The following IGF1R variants were observed in gnomAD, a reference collection of about 807,000 sequenced individuals.
IGF1R encodes insulin like growth factor 1 receptor, also known as insulin-like growth factor 1 receptor.
Under a neutral mutation model 144.6 loss-of-function variants are expected in IGF1R, and 44 were observed. That is an observed-to-expected ratio of 0.30 (90% CI 0.24 to 0.39). The LOEUF (loss-of-function observed/expected upper bound fraction) is 0.39, where lower values mean the gene tolerates loss of function less well. Ranked by LOEUF, IGF1R falls within the 10% of genes least tolerant of loss-of-function variation. The pLI, the probability that IGF1R is intolerant of heterozygous loss-of-function variation, is 1.00. For missense variants in IGF1R, 1,355 were observed against 1,833.7 expected, an observed-to-expected ratio of 0.74 and a Z score of 4.77; for synonymous variants, 795 against 722.8, an observed-to-expected ratio of 1.10 and a Z score of -1.60.
intron 7 of IGF1R, 58 bp downstream of exon 7, chr15:98,911,499 C>G: frequency 6.2e-7 from 1 of 1,610,718 alleles, no homozygotes; most frequent in South Asian, 1.1e-5. Context: ...TGGGAGAGGC[C>G]AGTCTTTCGA....
At chr15:98,931,244 G>T (rs2015929233) in intron 15 of IGF1R, among the ~76,000 whole-genome samples, 1 of 152,156 alleles carries the variant, frequency 6.6e-6, no homozygotes, top group Non-Finnish European at 1.5e-5. Context: ...TTCATCAAAT[G>T]AATAATAAAT....
chr15:98,801,484 G>A (rs898708662), intron 2 of IGF1R, among the ~76,000 whole-genome samples: 35 of 152,220 alleles, frequency 2.3e-4, no homozygotes, highest in African/African-American at 8.2e-4. Context: ...TGTGAGCCTC[G>A]ACAGTGGGCC....
chr15:98,735,905 A>G (rs1014581372), intron 2 of IGF1R, among the ~76,000 whole-genome samples: 2 of 152,136 alleles, frequency 1.3e-5, no homozygotes, highest in African/African-American at 4.8e-5. Context: ...CCTCCTCCCA[A>G]AGCTCTGTGC....
chr15:98,672,155 T>C (rs541942313), intron 1 of IGF1R, among the ~76,000 whole-genome samples: 9 of 152,362 alleles, frequency 5.9e-5, no homozygotes, highest in Non-Finnish European at 7.3e-5. Flanking sequence ...CATTTTTGCC[T>C]GTAAAAGAAT....
intron 2 of IGF1R, among the ~76,000 whole-genome samples, chr15:98,848,428 G>A (rs563922085): frequency 6.6e-6 from 1 of 152,334 alleles, no homozygotes; most frequent in South Asian, 2.1e-4. Context: ...AGTCAGCCCA[G>A]CCAAGATAGT....
Position 98,931,304 on chromosome 15 carries a change from C to T in IGF1R, c.2956+999C>T, listed in dbSNP as rs572919026. Among the ~76,000 whole-genome samples, 49 of 152,250 alleles carry T rather than the reference C, an allele frequency of 3.2e-4. 1 individual carries two copies. Among genetic ancestry groups the T allele is most frequent in the Admixed American group, 2.2e-3 (34 of 15,300 alleles). ...ATTTAGAAAAAGTGTTTGCTGTCTT[C>T]TTGCCTCGGGAGAAGTGAAAGTAGA... On this transcript the variant is annotated intron_variant, in intron 15 of 20. Transcript: ENST00000650285.
intron 2 of IGF1R, among the ~76,000 whole-genome samples, chr15:98,752,432 C>T (rs1057442359): frequency 1.3e-5 from 2 of 152,088 alleles, no homozygotes; most frequent in African/African-American, 4.8e-5. Context: ...GCCTGTAATC[C>T]CAGCACTTTG....
intron 2 of IGF1R, among the ~76,000 whole-genome samples, chr15:98,850,541 C>T (rs1319500922): frequency 6.6e-6 from 1 of 152,240 alleles, no homozygotes; most frequent in African/African-American, 2.4e-5. Flanking sequence ...GCAACGAGGC[C>T]TCTCTGAGGT....
chr15:98,880,361 C>A (rs918614419), intron 2 of IGF1R, among the ~76,000 whole-genome samples: 1 of 152,086 alleles, frequency 6.6e-6, no homozygotes, highest in Non-Finnish European at 1.5e-5. Context: ...TCTTGCTTGC[C>A]CTTTTTGTGG....
rs1167503156 is a variant in IGF1R at position 98,788,052 on chromosome 15, C to CTGTG, written c.640+79946_640+79947insGTGT. 2.5e-3 allele frequency among the ~76,000 whole-genome samples: 346 copies of CTGTG among 139,606 alleles called. 2 individuals are homozygous for CTGTG. The highest frequency in any genetic ancestry group is 8.7e-3 in the African/African-American group (306 of 35,266). The allele number at this position is 139,606 out of a possible 152,430, so 91.6% of individuals were successfully genotyped here. A position where few individuals can be genotyped will look rare whatever the true frequency, so the allele number is the denominator to read the frequency against. On this transcript the variant is annotated intron_variant, in intron 2 of 20. Coordinates refer to ENST00000650285, the MANE Select transcript of IGF1R (RefSeq NM_000875.5). ...GGTAGGGATCTCTCTCTCTCTCTCTCTCTCTCTCTCTGTGTGTGTGTGTGT... is the reference window on the plus strand; with the variant it reads ...GGTAGGGATCTCTCTCTCTCTCTCTCTGTGTCTCTCTCTCTGTGTGTGTGTGTGT...
chr15:98,845,621 G>A (rs2011299763), intron 2 of IGF1R, among the ~76,000 whole-genome samples: 1 of 144,822 alleles, frequency 6.9e-6, no homozygotes, highest in Non-Finnish European at 1.5e-5. Context: ...GCTGTCAGTT[G>A]AGATGGGCCT....
In IGF1R at chr15:98,961,079, A is replaced by G. The variant is rs1333356515; in HGVS notation, c.*3637A>G. On this transcript the variant is annotated 3_prime_UTR_variant, in exon 21 of 21. Coordinates refer to ENST00000650285, the MANE Select transcript of IGF1R (RefSeq NM_000875.5). ...TCCTCGGCAATTCCAGCCTAAGTGA[A>G]GGCGCTCAGGAGCCTCCTGCTGGAA... 4 of 233,454 alleles carry G rather than the reference A, an allele frequency of 1.7e-5. No individual in the cohort carries two copies. The highest frequency in any genetic ancestry group is 3.4e-5 in the Non-Finnish European group (4 of 117,970). The allele number at this position is 233,454 out of a possible 1,614,324, so 14.5% of individuals were successfully genotyped here. A position where few individuals can be genotyped will look rare whatever the true frequency, so the allele number is the denominator to read the frequency against.
chr15:98,851,814 T>A (rs1338631125), intron 2 of IGF1R, among the ~76,000 whole-genome samples: 1 of 152,232 alleles, frequency 6.6e-6, no homozygotes. Context: ...GCTTATTTCT[T>A]GTCAAGTGAG....
intron 1 of IGF1R, among the ~76,000 whole-genome samples, chr15:98,659,776 A>G (rs986263988): frequency 6.6e-6 from 1 of 152,158 alleles, no homozygotes; most frequent in African/African-American, 2.4e-5. Context: ...AAAAAACACT[A>G]CTGATTTCAT....
In IGF1R at chr15:98,916,879, A is replaced by G. The variant is rs2015275387; in HGVS notation, c.2201+3A>G. On this transcript the variant is annotated splice_donor_region_variant and intron_variant, in intron 10 of 20. Transcript: ENST00000650285. ...CACAACTCCATCTTCGTGCCCAGGT[A>G]CCCAGCTCATGTGAAATTTCAGTTG... The G allele has an allele frequency of 3.1e-6, 5 of 1,613,794 alleles. No homozygotes were observed. Among genetic ancestry groups the G allele is most frequent in the Non-Finnish European group, 4.2e-6 (5 of 1,179,768 alleles).
intron 1 of IGF1R, among the ~76,000 whole-genome samples, chr15:98,692,287 G>A (rs59491994): frequency 0.16 from 24,349 of 152,184 alleles, 2,076 homozygotes; most frequent in Admixed American, 0.2. Context: ...ACAGTGAGCC[G>A]AGATCGTGCC....
chr15:98,758,301 G>C (rs1277878999), intron 2 of IGF1R, among the ~76,000 whole-genome samples: 1 of 151,254 alleles, frequency 6.6e-6, no homozygotes, highest in South Asian at 2.1e-4. Flanking sequence ...CTCCTTTCTT[G>C]GTTCGATTAG....
At chr15:98,904,218 AT>A (rs1266394087) in intron 5 of IGF1R, among the ~76,000 whole-genome samples, 1 of 151,580 alleles carries the variant, frequency 6.6e-6, no homozygotes, top group Admixed American at 6.6e-5. Flanking sequence ...CGCCCGACTA[AT>A]TTTTTTGTAT....
chr15:98,687,282 C>A (rs2053352211), intron 1 of IGF1R, among the ~76,000 whole-genome samples: 1 of 152,054 alleles, frequency 6.6e-6, no homozygotes, highest in East Asian at 1.9e-4. Flanking sequence ...CAGTTGGGGT[C>A]CTGTGGCGGT....
Sources: gnomAD v4.1 joint callset for allele counts (sites outside exome capture counted in the v4.1 genomes callset) on GRCh38, gnomAD v4.1.1 for gene constraint, MANE v1.5 for transcripts, NCBI Gene and HGNC (gene_info 2026-07-23, HGNC 2026-07-21) for gene names.